ZHX3: variants seen among roughly 807,000 people sequenced by gnomAD.
ZHX3 encodes zinc fingers and homeoboxes 3.
Under a neutral mutation model 64.5 loss-of-function variants are expected in ZHX3, and 20 were observed. That is an observed-to-expected ratio of 0.31 (90% CI 0.22 to 0.45). ZHX3 has a LOEUF of 0.45. Ranked by LOEUF, ZHX3 falls within the 20% of genes least tolerant of loss-of-function variation. The pLI is 1.00. For missense variants in ZHX3, 1,041 were observed against 1,195.8 expected (o/e 0.87, Z 1.91); for synonymous variants, 423 against 461.6 (o/e 0.92, Z 1.07).
chr20:41,291,790 A>G (rs957339485), intron 1 of ZHX3, among the ~76,000 whole-genome samples: 3 of 152,056 alleles, frequency 2.0e-5, no homozygotes, highest in African/African-American at 7.2e-5. Flanking sequence ...TTTTTGAGCA[A>G]TCAGGGAAAT....
chr20:41,198,968 C>A (rs537000043), intron 3 of ZHX3, among the ~76,000 whole-genome samples: 1 of 151,810 alleles, frequency 6.6e-6, no homozygotes, highest in African/African-American at 2.4e-5. Context: ...ATTTTCTCTT[C>A]AAATTCACTG....
intron 1 of ZHX3, among the ~76,000 whole-genome samples, chr20:41,282,383 G>A (rs1166795095): frequency 3.1e-5 from 1 of 32,058 alleles, no homozygotes; most frequent in Non-Finnish European, 5.6e-5. Context: ...TTTTTTTTGC[G>A]AAGTCTAGCT....
chr20:41,313,889 C>G (rs1195765551), intron 1 of ZHX3, among the ~76,000 whole-genome samples: 2 of 152,330 alleles, frequency 1.3e-5, no homozygotes, highest in East Asian at 3.9e-4. Flanking sequence ...AGCCACCACG[C>G]CCAGCCTCCT....
chr20:41,244,147 A>G (rs776922418), intron 2 of ZHX3, among the ~76,000 whole-genome samples: 2 of 151,998 alleles, frequency 1.3e-5, no homozygotes, highest in Non-Finnish European at 2.9e-5. Flanking sequence ...GGTCATGACA[A>G]CCAAAAAGTC....
At chr20:41,307,597 A>G (rs904308613) in intron 1 of ZHX3, among the ~76,000 whole-genome samples, 1 of 152,244 alleles carries the variant, frequency 6.6e-6, no homozygotes, top group Non-Finnish European at 1.5e-5. Context: ...CAAGGTATCC[A>G]AAGCAATTGA....
At chr20:41,242,288 A>G (rs1355636164) in intron 2 of ZHX3, among the ~76,000 whole-genome samples, 1 of 152,230 alleles carries the variant, frequency 6.6e-6, no homozygotes, top group Non-Finnish European at 1.5e-5. Context: ...TGGCTAAGTC[A>G]TTTGACTCAG....
At chr20:41,190,977 A>G (rs1429393489) in intron 3 of ZHX3, among the ~76,000 whole-genome samples, 3 of 152,204 alleles carry the variant, frequency 2.0e-5, no homozygotes, top group African/African-American at 7.2e-5. Context: ...ATCTGACTTT[A>G]GAGAGTCTGA....
chr20:41,281,452 A>T (rs530255325), intron 1 of ZHX3, among the ~76,000 whole-genome samples: 7 of 152,336 alleles, frequency 4.6e-5, no homozygotes, highest in South Asian at 2.1e-4. Context: ...CTCCACAATT[A>T]TCGATAAAAT....
intron 1 of ZHX3, among the ~76,000 whole-genome samples, chr20:41,280,449 A>G (rs2043619637): frequency 6.6e-6 from 1 of 152,256 alleles, no homozygotes; most frequent in African/African-American, 2.4e-5. Flanking sequence ...AGCAGAAAAT[A>G]ATTGTAGTAT....
intron 2 of ZHX3, among the ~76,000 whole-genome samples, chr20:41,240,450 G>A (rs551865727): frequency 2.0e-5 from 3 of 152,256 alleles, no homozygotes; most frequent in Admixed American, 6.5e-5. Context: ...GGTTACATGA[G>A]ATATTTTGGT....
At chr20:41,230,319 A>G (rs1431288047) in intron 2 of ZHX3, among the ~76,000 whole-genome samples, 1 of 152,136 alleles carries the variant, frequency 6.6e-6, no homozygotes, top group Non-Finnish European at 1.5e-5. Flanking sequence ...TGTGGAGAGC[A>G]ACAGCTAACG....
At chr20:41,280,265 A>G (rs1016282478) in intron 1 of ZHX3, among the ~76,000 whole-genome samples, 1 of 152,200 alleles carries the variant, frequency 6.6e-6, no homozygotes, top group Non-Finnish European at 1.5e-5. Flanking sequence ...TCAATCCTGG[A>G]TGCACATCAG....
At chr20:41,220,637 GATATTTGACTTTCT>G (rs1234405797) in intron 2 of ZHX3, among the ~76,000 whole-genome samples, 2 of 152,040 alleles carry the variant, frequency 1.3e-5, no homozygotes, top group Non-Finnish European at 2.9e-5. Flanking sequence ...ATACAAACAA[GATATTTGACTTTCT>G]ATATGATACA....
intron 2 of ZHX3, among the ~76,000 whole-genome samples, chr20:41,263,449 C>T (rs2042665303): frequency 6.7e-6 from 1 of 149,574 alleles, no homozygotes; most frequent in African/African-American, 2.5e-5. Flanking sequence ...GGCTGCAGTG[C>T]AGTGGCGTGA....
At chr20:41,250,081 G>A (rs56848213) in intron 2 of ZHX3, among the ~76,000 whole-genome samples, 1,940 of 152,188 alleles carry the variant, frequency 0.013, 37 homozygotes, top group African/African-American at 0.044. Flanking sequence ...CCCCCAGGAA[G>A]CAAGCTGCAT....
intron 2 of ZHX3, among the ~76,000 whole-genome samples, chr20:41,256,325 A>G (rs1467372045): frequency 6.6e-6 from 1 of 151,828 alleles, no homozygotes; most frequent in South Asian, 2.1e-4. Context: ...GCTGAGAAAT[A>G]CCCACTGACA....
At chr20:41,218,761 A>G (rs968599603) in intron 2 of ZHX3, among the ~76,000 whole-genome samples, 1 of 152,156 alleles carries the variant, frequency 6.6e-6, no homozygotes, top group Non-Finnish European at 1.5e-5. Context: ...AAAGAACTCA[A>G]GTCTAAATCC....
intron 1 of ZHX3, among the ~76,000 whole-genome samples, chr20:41,282,103 T>C (rs2043705211): frequency 6.6e-6 from 1 of 152,104 alleles, no homozygotes; most frequent in Admixed American, 6.5e-5. Context: ...GAAGATGTCA[T>C]TTACCCCAAG....
intron 2 of ZHX3, among the ~76,000 whole-genome samples, chr20:41,234,958 T>TG (rs1049028906): frequency 1.5e-4 from 23 of 152,246 alleles, no homozygotes; most frequent in Non-Finnish European, 3.1e-4. Context: ...AGGTTGTCCT[T>TG]GTAAGTCTCT....
Sources: allele counts gnomAD v4.1 joint callset (sites outside exome capture counted in the v4.1 genomes callset), GRCh38; gene constraint gnomAD v4.1.1; transcripts MANE v1.5; gene names NCBI Gene and HGNC (gene_info 2026-07-23, HGNC 2026-07-21).